ARL15: variants seen among roughly 807,000 people sequenced by gnomAD.
ARL15 encodes the protein ADP-ribosylation factor-like protein 15.
ARL15 carries 19 observed loss-of-function variants against 25.2 expected under a neutral mutation model. The ratio of observed to expected loss-of-function variants is 0.75; its 90% CI spans 0.53 to 1.10. The LOEUF is 1.10. ARL15 is among the 50% of genes least tolerant of loss of function. The pLI, the probability that ARL15 is intolerant of heterozygous loss-of-function variation, is 0.00. For missense variants in ARL15, 220 were observed against 246.0 expected (o/e 0.89, Z 0.71); for synonymous variants, 94 against 86.8 (o/e 1.08, Z -0.46).
chr5:53,996,847 G>T (rs1436520375), intron 4 of ARL15, among the ~76,000 whole-genome samples: 1 of 152,118 alleles, frequency 6.6e-6, no homozygotes, highest in Non-Finnish European at 1.5e-5. Context: ...CCTTACACCT[G>T]TACCTTACGC....
chr5:54,087,376 C>A (rs957406223), intron 4 of ARL15, among the ~76,000 whole-genome samples: 2 of 152,014 alleles, frequency 1.3e-5, no homozygotes, highest in African/African-American at 2.4e-5. Context: ...CATGGTACTG[C>A]CGAGATCTTG....
At chr5:54,198,710 A>G (rs1251614653) in intron 1 of ARL15, among the ~76,000 whole-genome samples, 2 of 151,398 alleles carry the variant, frequency 1.3e-5, no homozygotes, top group East Asian at 3.9e-4. Context: ...TCATGAAAAT[A>G]GCCATACTGC....
chr5:53,961,495 C>CAAAAA (rs10589852), intron 4 of ARL15, among the ~76,000 whole-genome samples: 4 of 68,874 alleles, frequency 5.8e-5, no homozygotes, highest in Non-Finnish European at 8.4e-5. Context: ...GACTCTGTCT[C>CAAAAA]AAAAAAAAAA....
At chr5:54,100,010 A>C (rs1313139569) in intron 4 of ARL15, among the ~76,000 whole-genome samples, 1 of 152,156 alleles carries the variant, frequency 6.6e-6, no homozygotes, top group African/African-American at 2.4e-5. Flanking sequence ...CCCCCCCGTA[A>C]CTGCAATTTT....
In ARL15 at chr5:53,951,986, A is replaced by G. The variant is rs1213023137; in HGVS notation, c.463-65273T>C. On this transcript the variant is annotated intron_variant, in intron 4 of 4. Transcript: ENST00000504924. ...GAAATTGTGTGTGAAAGAGGAGAGT[A>G]GCTGGGCGTGGTGGCTCGCGCCTGT... 2.0e-5 allele frequency among the ~76,000 whole-genome samples: 3 copies of G among 151,572 alleles called. No individual in the cohort carries two copies. The East Asian group carries it at 5.8e-4, about 30-fold the overall frequency.
At chr5:54,211,857 T>TA (rs1027225305) in intron 1 of ARL15, among the ~76,000 whole-genome samples, 3 of 152,034 alleles carry the variant, frequency 2.0e-5, no homozygotes, top group Non-Finnish European at 4.4e-5. Flanking sequence ...GAGGAGTAGA[T>TA]AAAGTCCAAA....
In ARL15 at chr5:54,090,316, C is replaced by T. The variant is rs141555095; in HGVS notation, c.462+22886G>A. ...AATAATGAACAAAAATAGAAGACCACAGAAGAATGCATTTAGCATGATTCC... is the reference window on the plus strand; with the variant it reads ...AATAATGAACAAAAATAGAAGACCATAGAAGAATGCATTTAGCATGATTCC... On this transcript the variant is annotated intron_variant, in intron 4 of 4. Transcript: ENST00000504924. Among the ~76,000 whole-genome samples, 282 of 151,842 alleles carry T rather than the reference C, an allele frequency of 1.9e-3. 2 individuals carry two copies. Among genetic ancestry groups the T allele is most frequent in the African/African-American group, 6.5e-3 (271 of 41,426 alleles).
At chr5:54,194,336 G>A (rs1755493816) in intron 1 of ARL15, among the ~76,000 whole-genome samples, 2 of 152,072 alleles carry the variant, frequency 1.3e-5, no homozygotes, top group South Asian at 2.1e-4. Context: ...GATGATTCAA[G>A]CCTAATATGC....
At chr5:54,134,415 A>C (rs980349440) in intron 3 of ARL15, among the ~76,000 whole-genome samples, 1 of 152,116 alleles carries the variant, frequency 6.6e-6, no homozygotes, top group Middle Eastern at 3.2e-3. Context: ...CCAACATGAA[A>C]GGGGCTAGGT....
At chr5:54,277,362 A>G (rs1052756889) in intron 1 of ARL15, among the ~76,000 whole-genome samples, 3 of 152,222 alleles carry the variant, frequency 2.0e-5, no homozygotes, top group Admixed American at 6.5e-5. Context: ...TCTACCCACT[A>G]GCAAATGACT....
intron 3 of ARL15, among the ~76,000 whole-genome samples, chr5:54,129,797 T>A (rs949852554): frequency 6.6e-6 from 1 of 152,226 alleles, no homozygotes; most frequent in Non-Finnish European, 1.5e-5. Flanking sequence ...AGCAAACCGT[T>A]AATATTACAT....
intron 4 of ARL15, among the ~76,000 whole-genome samples, chr5:53,914,999 C>T (rs765608046): frequency 7.2e-5 from 11 of 152,106 alleles, no homozygotes; most frequent in Non-Finnish European, 1.5e-4. Flanking sequence ...TTAGTAGAGA[C>T]GGGGCTTCAC....
At chr5:54,302,460 G>T (rs957292496) in intron 1 of ARL15, among the ~76,000 whole-genome samples, 3 of 151,904 alleles carry the variant, frequency 2.0e-5, no homozygotes, top group Non-Finnish European at 4.4e-5. Context: ...GTGATCCAAG[G>T]AAAACACTCA....
At chr5:54,206,278 C>T (rs1328505442) in intron 1 of ARL15, among the ~76,000 whole-genome samples, 1 of 152,126 alleles carries the variant, frequency 6.6e-6, no homozygotes, top group Non-Finnish European at 1.5e-5. Flanking sequence ...TTGTACTCTT[C>T]ATTCATTCAA....
chr5:53,893,464 A>T (rs551759106), intron 4 of ARL15, among the ~76,000 whole-genome samples: 2 of 152,000 alleles, frequency 1.3e-5, no homozygotes, highest in African/African-American at 2.4e-5. Flanking sequence ...AAAAATTAGC[A>T]GGGCGTGGTG....
chr5:53,962,868 TA>T (rs1252701033), intron 4 of ARL15, among the ~76,000 whole-genome samples: 4 of 152,004 alleles, frequency 2.6e-5, no homozygotes, highest in Non-Finnish European at 2.9e-5. Flanking sequence ...TTTTTATTTT[TA>T]TTTTTTTTTA....
chr5:54,245,895 T>C (rs939058293), intron 1 of ARL15, among the ~76,000 whole-genome samples: 1 of 152,188 alleles, frequency 6.6e-6, no homozygotes, highest in African/African-American at 2.4e-5. Context: ...GCCTAGGATG[T>C]GGACTTCTGA....
intron 2 of ARL15, among the ~76,000 whole-genome samples, chr5:54,161,534 T>C (rs1478930681): frequency 6.6e-6 from 1 of 152,220 alleles, no homozygotes; most frequent in East Asian, 1.9e-4. Flanking sequence ...ATCTATTCTC[T>C]AGTAAAGTTA....
intron 4 of ARL15, among the ~76,000 whole-genome samples, chr5:53,961,901 C>T (rs564464920): frequency 1.3e-5 from 2 of 152,186 alleles, no homozygotes; most frequent in East Asian, 1.9e-4. Context: ...GAAGGTCTTT[C>T]GATAGCAGCA....
Sources: gnomAD v4.1 joint callset for allele counts (sites outside exome capture counted in the v4.1 genomes callset) on GRCh38, gnomAD v4.1.1 for gene constraint, MANE v1.5 for transcripts, NCBI Gene and HGNC (gene_info 2026-07-23, HGNC 2026-07-21) for gene names.